Variants in ABCA13 observed in about 807,000 individuals in gnomAD.
ABCA13 encodes the protein ATP binding cassette subfamily A member 13, also known as ATP-binding cassette sub-family A member 13.
A neutral mutation model predicts 478.7 loss-of-function variants in ABCA13; 476 were observed. That is an observed-to-expected ratio of 0.99 (90% confidence interval 0.92 to 1.07). The LOEUF (loss-of-function observed/expected upper bound fraction) is 1.07. Among genes scored for constraint, ABCA13 ranks in the 50% least tolerant of loss-of-function variants. The pLI, the probability that ABCA13 is intolerant of heterozygous loss-of-function variation, is 0.00. For synonymous variants in ABCA13, 2,252 were observed against 2,158.9 expected, an observed-to-expected ratio of 1.04 and a Z score of -1.20; for missense variants, 6,060 against 5,910.6, an observed-to-expected ratio of 1.03 and a Z score of -0.83.
chr7:48,332,294 A>G lies in ABCA13; in HGVS notation c.10000-3128A>G, dbSNP rs79163057. Among the ~76,000 whole-genome samples, 1,195 of 152,306 alleles carry G rather than the reference A, an allele frequency of 7.8e-3. 19 individuals are homozygous for G. Among genetic ancestry groups the G allele is most frequent in the African/African-American group, 0.028 (1,148 of 41,562 alleles). On this transcript the variant is annotated intron_variant, in intron 27 of 61. Coordinates refer to ENST00000435803, the MANE Select transcript of ABCA13 (RefSeq NM_152701.5). ...ACCCATTCTAAAAAATAATTTATTG[A>G]TACTGTCTTTGAGTGTATCTTTTTG... is the stretch of plus-strand genomic sequence containing the variant.
At chr7:48,182,823 A>G (rs1031300514) in intron 1 of ABCA13, among the ~76,000 whole-genome samples, 1 of 152,230 alleles carries the variant, frequency 6.6e-6, no homozygotes, top group Non-Finnish European at 1.5e-5. Context: ...AGGCAGATCA[A>G]CTGTAACTAT....
chr7:48,579,063 G>A (rs1244285026), intron 55 of ABCA13, among the ~76,000 whole-genome samples: 1 of 152,200 alleles, frequency 6.6e-6, no homozygotes, highest in East Asian at 1.9e-4. Context: ...AAATCTAGGT[G>A]ACCTTGGATG....
At chr7:48,373,006 T>A (rs1386404107) in intron 33 of ABCA13, among the ~76,000 whole-genome samples, 1 of 152,146 alleles carries the variant, frequency 6.6e-6, no homozygotes, top group East Asian at 1.9e-4. Flanking sequence ...AAAGTATTCA[T>A]TCTTTTATGG....
intron 15 of ABCA13, among the ~76,000 whole-genome samples, chr7:48,251,907 T>G (rs1048463504): frequency 1.3e-5 from 2 of 152,162 alleles, no homozygotes; most frequent in African/African-American, 4.8e-5. Context: ...TTATAAAAGC[T>G]CCATTGTATG....
intron 5 of ABCA13, among the ~76,000 whole-genome samples, chr7:48,223,421 T>C (rs978947237): frequency 1.1e-4 from 17 of 152,020 alleles, no homozygotes; most frequent in African/African-American, 3.9e-4. Flanking sequence ...GCACTTGCAT[T>C]TGAAAAAGAG....
chr7:48,481,959 C>G (rs957307001), intron 46 of ABCA13, among the ~76,000 whole-genome samples: 2 of 151,984 alleles, frequency 1.3e-5, no homozygotes, highest in African/African-American at 4.8e-5. Flanking sequence ...GAGTAGAACA[C>G]TGTGATAGAA....
chr7:48,616,798 A>C (rs1395471260), intron 59 of ABCA13, among the ~76,000 whole-genome samples: 1 of 152,184 alleles, frequency 6.6e-6, no homozygotes, highest in Non-Finnish European at 1.5e-5. Flanking sequence ...AAGTGGGAGG[A>C]TCACTTGAGG....
intron 55 of ABCA13, among the ~76,000 whole-genome samples, chr7:48,572,096 T>C (rs35022901): frequency 0.089 from 13,497 of 152,150 alleles, 976 homozygotes; most frequent in African/African-American, 0.2. Flanking sequence ...ATGAGAATCA[T>C]TTGAATCCTG....
intron 55 of ABCA13, among the ~76,000 whole-genome samples, chr7:48,578,659 A>G (rs1255211024): frequency 6.6e-6 from 1 of 152,196 alleles, no homozygotes; most frequent in African/African-American, 2.4e-5. Flanking sequence ...ACACAACCCC[A>G]ATCAAAATCC....
At chr7:48,193,184 C>T in intron 2 of ABCA13, 132 bp downstream of exon 2, 1 of 688,750 alleles carries the variant, frequency 1.5e-6, no homozygotes, top group Admixed American at 3.0e-5. Flanking sequence ...ATGACAATAA[C>T]AACATATCTG....
intron 31 of ABCA13, among the ~76,000 whole-genome samples, chr7:48,354,878 A>G (rs1463837864): frequency 1.3e-5 from 2 of 152,018 alleles, no homozygotes; most frequent in Admixed American, 6.5e-5. Flanking sequence ...CACAGTTTGT[A>G]CTGTAGACAA....
chr7:48,412,758 A>C (rs921014314), intron 41 of ABCA13, among the ~76,000 whole-genome samples, 175 bp downstream of exon 41: 1 of 147,108 alleles, frequency 6.8e-6, no homozygotes, highest in Non-Finnish European at 1.5e-5. Flanking sequence ...TGAACTTAAC[A>C]GGCCTGACAG....
In ABCA13 at chr7:48,548,038, T is replaced by C. The variant is rs868643037; in HGVS notation, c.14354+19693T>C. Among the ~76,000 whole-genome samples the C allele has an allele frequency of 4.6e-5, 7 of 152,062 alleles. 1 individual carries two copies. In the Middle Eastern group the frequency reaches 0.01, roughly 223 times the overall value. ...TGGCTTCTGTCATCCACGATGTCTTTTGTGTCTTTTCAAGAACAACAAGGT... is the reference window on the plus strand; with the variant it reads ...TGGCTTCTGTCATCCACGATGTCTTCTGTGTCTTTTCAAGAACAACAAGGT... On this transcript the variant is annotated intron_variant, in intron 55 of 61. Transcript: ENST00000435803.
intron 39 of ABCA13, among the ~76,000 whole-genome samples, chr7:48,409,369 A>T (rs1169989150): frequency 2.0e-5 from 3 of 152,216 alleles, no homozygotes; most frequent in African/African-American, 7.2e-5. Flanking sequence ...AAGTCGTAAA[A>T]CTTGACAAGA....
At chr7:48,487,549 AT>A (rs1829449568) in intron 47 of ABCA13, among the ~76,000 whole-genome samples, 1 of 152,158 alleles carries the variant, frequency 6.6e-6, no homozygotes, top group Admixed American at 6.5e-5. Context: ...TCAAAACAAA[AT>A]TTAAAAAACC....
chr7:48,193,382 C>T (rs1330724170), intron 2 of ABCA13, among the ~76,000 whole-genome samples: 2 of 151,902 alleles, frequency 1.3e-5, no homozygotes, highest in African/African-American at 2.4e-5. Flanking sequence ...CATAGTTTAT[C>T]AGAATGATAC....
At chr7:48,543,350 A>G (rs1052675711) in intron 55 of ABCA13, among the ~76,000 whole-genome samples, 4 of 151,826 alleles carry the variant, frequency 2.6e-5, no homozygotes, top group African/African-American at 9.7e-5. Flanking sequence ...CTAGCTGGGC[A>G]CGGTGGCTCA....
intron 27 of ABCA13, among the ~76,000 whole-genome samples, chr7:48,330,202 CATTCATCCATTTATCT>C (rs1302558590): frequency 7.9e-5 from 12 of 151,448 alleles, no homozygotes; most frequent in African/African-American, 1.5e-4. Flanking sequence ...TCTATCAATC[CATTCATCCATTTATCT>C]ATTCATCCAT....
rs148731925 is a variant in ABCA13 at position 48,368,629 on chromosome 7, C to G, written c.10803+721C>G. 2.4e-3 allele frequency among the ~76,000 whole-genome samples: 360 copies of G among 147,592 alleles called. 1 individual carries two copies. Among genetic ancestry groups the G allele is most frequent in the Non-Finnish European group, 3.6e-3 (240 of 67,206 alleles). On this transcript the variant is annotated intron_variant, in intron 32 of 61. Coordinates refer to ENST00000435803, the MANE Select transcript of ABCA13 (RefSeq NM_152701.5). ...AATTCCATCCAGGTTGCTCTGAATGCTATTATTTCATTCCTTTTTATGGAT... is the reference window on the plus strand; with the variant it reads ...AATTCCATCCAGGTTGCTCTGAATGGTATTATTTCATTCCTTTTTATGGAT...
Sources: allele counts gnomAD v4.1 joint callset (sites outside exome capture counted in the v4.1 genomes callset), GRCh38; gene constraint gnomAD v4.1.1; transcripts MANE v1.5; gene names NCBI Gene and HGNC (gene_info 2026-07-23, HGNC 2026-07-21).